NTM: variants seen among roughly 807,000 people sequenced by gnomAD.
NTM encodes IgLON family member 2.
NTM carries 13 observed loss-of-function variants against 42.1 expected under a neutral mutation model. That is an observed-to-expected ratio of 0.31 (90% CI 0.20 to 0.49). NTM has a LOEUF of 0.49. NTM is among the 20% of genes least tolerant of loss of function. NTM has a pLI of 0.99. For missense variants in NTM, 373 were observed against 452.8 expected (o/e 0.82, Z 1.60); for synonymous variants, 187 against 179.2 (o/e 1.04, Z -0.35).
chr11:131,683,689 G>A (rs1236030362), intron 1 of NTM, among the ~76,000 whole-genome samples: 2 of 152,208 alleles, frequency 1.3e-5, no homozygotes, highest in Admixed American at 6.5e-5. Flanking sequence ...GGGCTGGCAC[G>A]AGTGAGGCGA....
At chr11:131,730,381 T>G (rs1228190874) in intron 1 of NTM, among the ~76,000 whole-genome samples, 3 of 152,114 alleles carry the variant, frequency 2.0e-5, no homozygotes, top group Admixed American at 6.5e-5. Context: ...GTAGTGAACA[T>G]GCAGATGGGC....
chr11:131,654,203 A>G (rs2066875964), intron 1 of NTM, among the ~76,000 whole-genome samples: 2 of 152,178 alleles, frequency 1.3e-5, no homozygotes, highest in Admixed American at 6.5e-5. Flanking sequence ...AGGCAGGAAG[A>G]AAGGAGGTCG....
chr11:131,782,070 A>C (rs2088251552), intron 1 of NTM, among the ~76,000 whole-genome samples: 1 of 152,222 alleles, frequency 6.6e-6, no homozygotes, highest in African/African-American at 2.4e-5. Context: ...TGGGACATTC[A>C]GTGAAGACAA....
Position 132,086,426 on chromosome 11 carries a change from G to A in NTM, c.168-59856G>A, listed in dbSNP as rs540007983. ...TCCAGCAAAACAAGATCCAAGAAGA[G>A]AAAAACATAAAGGCCTTTTAAATAT... On this transcript the variant is annotated intron_variant, in intron 2 of 8. Transcript: ENST00000683400. Among the ~76,000 whole-genome samples the A allele has an allele frequency of 2.9e-3, 438 of 151,786 alleles. 1 individual carries two copies. Among genetic ancestry groups the A allele is most frequent in the Non-Finnish European group, 5.3e-3 (359 of 67,952 alleles).
intron 1 of NTM, among the ~76,000 whole-genome samples, chr11:131,490,156 T>A (rs1348314249): frequency 2.0e-5 from 3 of 152,198 alleles, no homozygotes; most frequent in Admixed American, 6.5e-5. Flanking sequence ...AAGTCATTCA[T>A]GAGGGAACCA....
At chr11:131,720,507 T>C (rs1283128863) in intron 1 of NTM, among the ~76,000 whole-genome samples, 1 of 152,152 alleles carries the variant, frequency 6.6e-6, no homozygotes, top group African/African-American at 2.4e-5. Flanking sequence ...AGATACATAT[T>C]GTAGGTGATG....
chr11:131,421,868 G>A (rs1947568279), intron 1 of NTM, among the ~76,000 whole-genome samples: 1 of 152,198 alleles, frequency 6.6e-6, no homozygotes, highest in African/African-American at 2.4e-5. Context: ...TTGTTATGGT[G>A]GCTGCCTTGC....
chr11:132,112,474 G>T (rs1275908937), intron 2 of NTM, among the ~76,000 whole-genome samples: 1 of 152,108 alleles, frequency 6.6e-6, no homozygotes, highest in African/African-American at 2.4e-5. Context: ...ATTTGATAGA[G>T]AATGATGTTT....
intron 1 of NTM, among the ~76,000 whole-genome samples, chr11:131,685,922 G>A (rs2073816740): frequency 6.6e-6 from 1 of 152,228 alleles, no homozygotes; most frequent in African/African-American, 2.4e-5. Flanking sequence ...ACATCCCACA[G>A]CCTTGTCCTA....
chr11:131,393,332 T>C (rs1375100610), intron 1 of NTM, among the ~76,000 whole-genome samples: 1 of 152,212 alleles, frequency 6.6e-6, no homozygotes, highest in Non-Finnish European at 1.5e-5. Context: ...ATTGTGCTCT[T>C]CTTGACATAG....
At chr11:131,867,677 C>T (rs146408715) in intron 1 of NTM, among the ~76,000 whole-genome samples, 1 of 151,508 alleles carries the variant, frequency 6.6e-6, no homozygotes, top group East Asian at 2.0e-4. Flanking sequence ...TGCATTTCTT[C>T]ATATGTATGT....
At chr11:132,143,657 A>G (rs1220001453) in intron 2 of NTM, among the ~76,000 whole-genome samples, 2 of 152,196 alleles carry the variant, frequency 1.3e-5, no homozygotes, top group Non-Finnish European at 2.9e-5. Context: ...GAATTCATCC[A>G]GTCCCTGCTT....
chr11:132,023,617 C>T (rs917429662), intron 2 of NTM, among the ~76,000 whole-genome samples: 33 of 152,196 alleles, frequency 2.2e-4, no homozygotes, highest in African/African-American at 7.2e-4. Context: ...CCCCTCTGTC[C>T]GATAGGATTA....
chr11:131,913,017 T>C (rs960984368), intron 2 of NTM, among the ~76,000 whole-genome samples: 3 of 152,148 alleles, frequency 2.0e-5, no homozygotes. Context: ...GAACTCCTAG[T>C]TATTTGTTGG....
intron 1 of NTM, among the ~76,000 whole-genome samples, chr11:131,828,885 T>TA (rs1186523119): frequency 6.6e-6 from 1 of 152,150 alleles, no homozygotes; most frequent in Non-Finnish European, 1.5e-5. Flanking sequence ...TTAAAGCTAG[T>TA]AAAAATGTTC....
chr11:131,707,355 C>G (rs1297160181), intron 1 of NTM, among the ~76,000 whole-genome samples: 1 of 151,992 alleles, frequency 6.6e-6, no homozygotes, highest in Non-Finnish European at 1.5e-5. Flanking sequence ...AATAGTATTT[C>G]ATTGTGTGCA....
At chr11:131,557,747 G>A (rs2055642937) in intron 1 of NTM, among the ~76,000 whole-genome samples, 1 of 152,006 alleles carries the variant, frequency 6.6e-6, no homozygotes, top group Admixed American at 6.5e-5. Flanking sequence ...GGGCTAGCAG[G>A]GGGTGTGGGG....
rs572000121 is a variant in NTM, at chr11:132,281,626, A to C, written c.527-26063A>C. Among the ~76,000 whole-genome samples, 240 of 152,348 alleles carry C rather than the reference A, an allele frequency of 1.6e-3. 4 individuals carry two copies. Among genetic ancestry groups the C allele is most frequent in the Non-Finnish European group, 2.6e-4 (18 of 68,028 alleles). On this transcript the variant is annotated intron_variant, in intron 4 of 8. Coordinates refer to ENST00000683400, the MANE Select transcript of NTM (RefSeq NM_001352005.2). ...AAAAATACAGAAGTCTGATGCCCAG[A>C]AATTGTCCTTGAAGCTTGATTCCAA...
chr11:131,765,557 G>A (rs1490836468), intron 1 of NTM, among the ~76,000 whole-genome samples: 2 of 152,154 alleles, frequency 1.3e-5, no homozygotes, highest in African/African-American at 2.4e-5. Flanking sequence ...CCCATGTCCT[G>A]TATTCATTAG....
Sources: gnomAD v4.1 joint callset for allele counts (sites outside exome capture counted in the v4.1 genomes callset) on GRCh38, gnomAD v4.1.1 for gene constraint, MANE v1.5 for transcripts, NCBI Gene and HGNC (gene_info 2026-07-23, HGNC 2026-07-21) for gene names.